Variants in PRKG1 observed in about 807,000 individuals in gnomAD.
PRKG1 encodes the protein cGMP-dependent protein kinase 1.
PRKG1 carries 35 observed loss-of-function variants against 88.1 expected under a neutral mutation model. That is an observed-to-expected ratio of 0.40 (90% CI 0.30 to 0.53). The LOEUF is 0.53. Ranked by LOEUF, PRKG1 falls within the 20% of genes least tolerant of loss-of-function variation. The probability of loss-of-function intolerance (pLI) is 0.59; values close to 1 mark genes in which losing one functional copy is unlikely to be tolerated. For missense variants in PRKG1, 540 were observed against 839.8 expected (o/e 0.64, Z 4.41); for synonymous variants, 303 against 292.5 (o/e 1.04, Z -0.37).
Position 52,187,248 on chromosome 10 carries a change from C to T in PRKG1, c.1076+25285C>T, listed in dbSNP as rs188750708. ...AATACTTCATCTCAGTTTGCTTCTA[C>T]ACATTGTTGACTGGCATTTTTTTAC... On this transcript the variant is annotated intron_variant, in intron 9 of 17. Transcript: ENST00000373980. 3.9e-5 allele frequency among the ~76,000 whole-genome samples: 6 copies of T among 152,188 alleles called. No homozygotes were observed. The East Asian group carries it at 1.2e-3, about 29-fold the overall frequency.
chr10:51,956,567 T>A (rs1438014136), intron 5 of PRKG1, among the ~76,000 whole-genome samples: 1 of 152,110 alleles, frequency 6.6e-6, no homozygotes, highest in African/African-American at 2.4e-5. Context: ...GAACTGAGGA[T>A]ATTTTCATTA....
intron 9 of PRKG1, among the ~76,000 whole-genome samples, chr10:52,224,938 T>A (rs1034492658): frequency 5.9e-5 from 9 of 151,628 alleles, no homozygotes; most frequent in Non-Finnish European, 1.2e-4. Flanking sequence ...TGTGCTGCTA[T>A]AAACATGTGT....
intron 2 of PRKG1, among the ~76,000 whole-genome samples, chr10:51,305,173 A>G (rs1048643471): frequency 1.3e-5 from 2 of 152,104 alleles, no homozygotes; most frequent in African/African-American, 4.8e-5. Flanking sequence ...TAGCCCTTCA[A>G]TTTTAGGGCA....
At chr10:51,597,101 C>G (rs1310634912) in intron 3 of PRKG1, among the ~76,000 whole-genome samples, 2 of 152,054 alleles carry the variant, frequency 1.3e-5, no homozygotes, top group Non-Finnish European at 2.9e-5. Flanking sequence ...AATTTCCTTT[C>G]AAATTCATTC....
intron 3 of PRKG1, among the ~76,000 whole-genome samples, chr10:51,633,000 T>C (rs867153472): frequency 6.6e-6 from 1 of 152,338 alleles, no homozygotes. Flanking sequence ...ATCTTGTTTA[T>C]AAACTCATGT....
At chr10:51,575,280 C>T (rs545372826) in intron 3 of PRKG1, among the ~76,000 whole-genome samples, 2 of 152,002 alleles carry the variant, frequency 1.3e-5, no homozygotes, top group East Asian at 3.9e-4. Flanking sequence ...AGAAGTTGGC[C>T]TTTTGGTTAG....
chr10:51,350,300 T>C (rs1471540609), intron 2 of PRKG1, among the ~76,000 whole-genome samples: 1 of 152,098 alleles, frequency 6.6e-6, no homozygotes, highest in Admixed American at 6.6e-5. Context: ...CTAATACAGA[T>C]GATAAAGGAA....
At chr10:51,964,378 G>C (rs913019288) in intron 5 of PRKG1, among the ~76,000 whole-genome samples, 10 of 152,308 alleles carry the variant, frequency 6.6e-5, no homozygotes, top group African/African-American at 2.4e-4. Context: ...TCCAATAACA[G>C]TTTAATGACA....
intron 3 of PRKG1, among the ~76,000 whole-genome samples, chr10:51,681,923 T>C (rs1271206202): frequency 3.9e-5 from 6 of 152,204 alleles, no homozygotes; most frequent in Non-Finnish European, 7.3e-5. Flanking sequence ...ATTGAAGATA[T>C]ATGTGCGCTA....
intron 3 of PRKG1, among the ~76,000 whole-genome samples, chr10:51,801,462 T>C (rs1196502314): frequency 6.6e-6 from 1 of 152,154 alleles, no homozygotes; most frequent in Admixed American, 6.6e-5. Flanking sequence ...TCTACCTCTG[T>C]ACTAGATCAC....
chr10:51,810,257 CT>C (rs1839420712), intron 4 of PRKG1, among the ~76,000 whole-genome samples: 2 of 152,122 alleles, frequency 1.3e-5, no homozygotes, highest in Non-Finnish European at 2.9e-5. Context: ...GACTTTCCAA[CT>C]GTTAAAGAAC....
intron 2 of PRKG1, among the ~76,000 whole-genome samples, chr10:51,369,585 G>C (rs1842659254): frequency 2.0e-5 from 3 of 152,102 alleles, no homozygotes; most frequent in African/African-American, 7.2e-5. Flanking sequence ...AGAAGAGTTA[G>C]TAATTCCCCA....
chr10:51,966,387 AT>A (rs948351852), intron 5 of PRKG1, among the ~76,000 whole-genome samples: 1 of 151,984 alleles, frequency 6.6e-6, no homozygotes, highest in African/African-American at 2.4e-5. Context: ...TGAATTCAAC[AT>A]TTTTTTGTGT....
chr10:52,105,893 T>C (rs1251211190), intron 7 of PRKG1, among the ~76,000 whole-genome samples: 1 of 152,060 alleles, frequency 6.6e-6, no homozygotes, highest in East Asian at 1.9e-4. Context: ...TTAGTGGTGA[T>C]TTCTGAGATT....
At chr10:51,613,004 G>A (rs1838950843) in intron 3 of PRKG1, among the ~76,000 whole-genome samples, 1 of 151,978 alleles carries the variant, frequency 6.6e-6, no homozygotes, top group African/African-American at 2.4e-5. Flanking sequence ...TTGATGTGAT[G>A]TTGGATTTGG....
intron 3 of PRKG1, among the ~76,000 whole-genome samples, chr10:51,665,568 C>A (rs4575213): frequency 0.32 from 48,613 of 151,930 alleles, 8,869 homozygotes; most frequent in Middle Eastern, 0.44. Flanking sequence ...TATTTTGTAC[C>A]TAATTGTACA....
rs184115344 is a variant in PRKG1 at position 52,203,316 on chromosome 10, G to T, written c.1076+41353G>T. Among the ~76,000 whole-genome samples the T allele has an allele frequency of 1.6e-3, 251 of 152,228 alleles. 2 individuals carry two copies. The highest frequency in any genetic ancestry group is 5.8e-3 in the African/African-American group (239 of 41,548). On this transcript the variant is annotated intron_variant, in intron 9 of 17. Coordinates refer to ENST00000373980, the MANE Select transcript of PRKG1 (RefSeq NM_006258.4). ...CATGTTGTTTAATTTCCATGTAATT[G>T]TATGGTTTTAAGTGATCTTCTTAGT... is the stretch of plus-strand genomic sequence containing the variant.
intron 2 of PRKG1, among the ~76,000 whole-genome samples, chr10:51,248,399 G>A (rs1339872613): frequency 2.0e-5 from 3 of 151,822 alleles, no homozygotes; most frequent in African/African-American, 7.2e-5. Flanking sequence ...TATTATTAAT[G>A]TTTTATTAAA....
intron 1 of PRKG1, among the ~76,000 whole-genome samples, chr10:50,998,083 T>G (rs1221451869): frequency 6.6e-6 from 1 of 152,204 alleles, no homozygotes; most frequent in Non-Finnish European, 1.5e-5. Context: ...GTGCTTCATA[T>G]TAGTCACATA....
Sources: allele counts gnomAD v4.1 joint callset (sites outside exome capture counted in the v4.1 genomes callset), GRCh38; gene constraint gnomAD v4.1.1; transcripts MANE v1.5; gene names NCBI Gene and HGNC (gene_info 2026-07-23, HGNC 2026-07-21).